Variants in RICTOR observed in about 807,000 individuals in gnomAD.
RICTOR encodes RPTOR independent companion of MTOR complex 2, also known as rapamycin-insensitive companion of mTOR.
In RICTOR, 49 loss-of-function variants were observed where a neutral mutation model predicts 214.9. The ratio of observed to expected loss-of-function variants is 0.23; its 90% CI spans 0.18 to 0.29. The LOEUF (loss-of-function observed/expected upper bound fraction) is 0.29. Among genes scored for constraint, RICTOR ranks in the 10% least tolerant of loss-of-function variants. The probability of loss-of-function intolerance (pLI) is 1.00; values close to 1 mark genes in which losing one functional copy is unlikely to be tolerated. For missense variants in RICTOR, 1,625 were observed against 2,047.0 expected (o/e 0.79, Z 3.98); for synonymous variants, 717 against 711.3 (o/e 1.01, Z -0.13).
rs1205204797 is a variant in RICTOR at position 38,945,528 on chromosome 5, C to A, written c.4596G>T (p.Gln1532His). The part of the protein sequence containing the change: ...YCVCIEILGF[Q>H]PSNQLSAICS... ...ATATTGCACTCAGTTGGTTGCTGGG[C>A]TGGAAACCCAGAATTTCAATACAGA... The change falls in exon 34 of 38, where the codon CAG becomes CAT. Residue 1532 changes from glutamine (Q) to histidine (H), a missense_variant. Transcript: ENST00000357387. 1.9e-6 allele frequency: 3 copies of A among 1,613,950 alleles called. No homozygotes were observed. The highest frequency in any genetic ancestry group is 3.3e-4 in the Middle Eastern group (2 of 6,062).
At chr5:39,021,255 C>T (rs1755400700) in intron 2 of RICTOR, 119 bp from the exon 3 acceptor site, 2 of 677,184 alleles carry the variant, frequency 3.0e-6, no homozygotes, top group South Asian at 1.7e-5. Context: ...TCTTACCCTC[C>T]ACCCCAAATC....
intron 2 of RICTOR, among the ~76,000 whole-genome samples, chr5:39,031,683 T>A (rs772123016): frequency 6.6e-6 from 1 of 152,218 alleles, no homozygotes; most frequent in African/African-American, 2.4e-5. Context: ...CATTCTATGA[T>A]GTATTTGTGA....
At chr5:38,943,809 T>C (rs1204758722) in intron 36 of RICTOR, among the ~76,000 whole-genome samples, 1 of 152,038 alleles carries the variant, frequency 6.6e-6, no homozygotes, top group African/African-American at 2.4e-5. Context: ...CAAGACTCCG[T>C]CTCAAAAAAG....
intron 2 of RICTOR, among the ~76,000 whole-genome samples, chr5:39,031,398 G>A (rs756966316): frequency 3.3e-5 from 5 of 152,104 alleles, no homozygotes; most frequent in Admixed American, 1.3e-4. Flanking sequence ...CCAGCAAAGT[G>A]CTATTTACTC....
At chr5:38,947,115 T>A in intron 32 of RICTOR, 149 bp downstream of exon 32, 1 of 598,804 alleles carries the variant, frequency 1.7e-6, no homozygotes, top group South Asian at 2.4e-5. Flanking sequence ...ATAATTTTAA[T>A]CTTAAAGTTT....
At chr5:39,028,657 A>G (rs1376491284) in intron 2 of RICTOR, among the ~76,000 whole-genome samples, 1 of 152,216 alleles carries the variant, frequency 6.6e-6, no homozygotes, top group Non-Finnish European at 1.5e-5. Flanking sequence ...TAACAGCCCC[A>G]AAGTGGAAAC....
At chr5:38,980,769 G>A (rs1246355425) in intron 8 of RICTOR, 1 of 152,154 alleles carries the variant, frequency 6.6e-6, no homozygotes, top group African/African-American at 2.4e-5. Context: ...TCGATTGAGT[G>A]CGGGAGGTCC....
At chr5:38,966,871 G>A (rs1750275515) in intron 14 of RICTOR, 150 bp from the exon 15 acceptor site, 1 of 596,438 alleles carries the variant, frequency 1.7e-6, no homozygotes, top group Non-Finnish European at 2.9e-6. Context: ...CAAGATCTCA[G>A]CTCAGTATAA....
In RICTOR at chr5:39,046,019, C is replaced by G. The variant is rs546016109; in HGVS notation, c.98-24883G>C. ...GGATCGTCAGTCTCTTTCACTAGCT[C>G]TGTCTTTAAAAATAAATAAATAAAT... is the stretch of plus-strand genomic sequence containing the variant. On this transcript the variant is annotated intron_variant, in intron 2 of 37. Transcript: ENST00000357387. Among the ~76,000 whole-genome samples, 13 of 68,390 alleles carry G rather than the reference C, an allele frequency of 1.9e-4. No homozygotes were observed. In the South Asian group the frequency reaches 2.9e-3, roughly 15 times the overall value. The allele number at this position is 68,390 out of a possible 152,430, so 44.9% of individuals were successfully genotyped here. A position where few individuals can be genotyped will look rare whatever the true frequency, so the allele number is the denominator to read the frequency against.
At chr5:39,030,726 A>AC (rs1348443889) in intron 2 of RICTOR, among the ~76,000 whole-genome samples, 1 of 152,166 alleles carries the variant, frequency 6.6e-6, no homozygotes, top group Non-Finnish European at 1.5e-5. Context: ...GCTTTCAAGA[A>AC]TTATTTTTCT....
intron 11 of RICTOR, among the ~76,000 whole-genome samples, chr5:38,969,227 C>A (rs1750517033): frequency 1.3e-5 from 2 of 151,990 alleles, no homozygotes; most frequent in South Asian, 4.2e-4. Context: ...CCGCCTTGGC[C>A]TCCCAAAGTG....
intron 7 of RICTOR, among the ~76,000 whole-genome samples, chr5:38,984,812 G>A (rs1212655583): frequency 6.6e-6 from 1 of 151,970 alleles, no homozygotes; most frequent in Non-Finnish European, 1.5e-5. Context: ...AAAATATGTT[G>A]TTGTTGTTGG....
chr5:38,984,936 C>T (rs1752040918), intron 7 of RICTOR, among the ~76,000 whole-genome samples: 2 of 152,116 alleles, frequency 1.3e-5, no homozygotes, highest in Admixed American at 1.3e-4. Flanking sequence ...TCTCCTGCCT[C>T]AGCCTCCCAA....
chr5:39,065,070 T>C (rs1758797936), intron 2 of RICTOR, among the ~76,000 whole-genome samples: 2 of 152,192 alleles, frequency 1.3e-5, no homozygotes, highest in South Asian at 4.1e-4. Flanking sequence ...CATTCTTGCA[T>C]TGTTACAAAG....
intron 2 of RICTOR, among the ~76,000 whole-genome samples, chr5:39,056,036 AT>A (rs1250779967): frequency 3.9e-5 from 6 of 152,218 alleles, no homozygotes; most frequent in Non-Finnish European, 8.8e-5. Context: ...ACCCAGAAAG[AT>A]TTTTAGAATA....
chr5:39,007,349 C>T (rs886866867), intron 3 of RICTOR, among the ~76,000 whole-genome samples: 1 of 151,894 alleles, frequency 6.6e-6, no homozygotes, highest in African/African-American at 2.4e-5. Context: ...TGTCTGTCTC[C>T]TAATCTACAC....
At chr5:39,045,128 A>T (rs551282145) in intron 2 of RICTOR, among the ~76,000 whole-genome samples, 2 of 152,344 alleles carry the variant, frequency 1.3e-5, no homozygotes, top group African/African-American at 4.8e-5. Flanking sequence ...AACACCTGTT[A>T]AAAGATAATT....
In RICTOR at chr5:38,950,498, C is replaced by T. The variant is rs1297035440; in HGVS notation, c.3350G>A (p.Gly1117Glu). 6.2e-7 allele frequency: 1 copy of T among 1,613,418 alleles called. No individual in the cohort carries two copies. The highest frequency in any genetic ancestry group is 8.5e-7 in the Non-Finnish European group (1 of 1,179,628). The change falls in exon 31 of 38, where the codon GGA becomes GAA. Residue 1117 changes from glycine to glutamate, a missense_variant. This residue lies in a region of RICTOR where 1,214 missense variants were observed against 1,470.5 expected (regional missense o/e 0.83). Coordinates refer to ENST00000357387, the MANE Select transcript of RICTOR (RefSeq NM_152756.5). Reference protein sequence around the residue: ...KKHRSSSDPKGGKLSSESKTS... With the variant: ...KKHRSSSDPKEGKLSSESKTS... ...CTTACTTTCAGATGATAATTTCCCT[C>T]CTTTTGGATCACTGCTACTACGATG...
chr5:39,070,497 G>C (rs979226423), intron 2 of RICTOR, among the ~76,000 whole-genome samples: 3 of 152,060 alleles, frequency 2.0e-5, no homozygotes, highest in African/African-American at 7.2e-5. Context: ...AAAAAAGTTA[G>C]AGTTCAAATC....
Sources: gnomAD v4.1 joint callset for allele counts (sites outside exome capture counted in the v4.1 genomes callset) on GRCh38, gnomAD v4.1.1 for gene constraint, gnomAD v4.1.1 regional missense constraint, MANE v1.5 for transcripts, NCBI Gene and HGNC (gene_info 2026-07-23, HGNC 2026-07-21) for gene names.